Variants in DCLRE1A observed in about 807,000 individuals in gnomAD.
The protein encoded by DCLRE1A is DNA cross-link repair 1A.
Under a neutral mutation model 91.9 loss-of-function variants are expected in DCLRE1A, and 64 were observed. The observed-to-expected ratio is 0.70, with a 90% CI of 0.57 to 0.86. The LOEUF is 0.86. DCLRE1A is among the 40% of genes least tolerant of loss of function. The pLI, the probability that DCLRE1A is intolerant of heterozygous loss-of-function variation, is 0.00. For synonymous variants in DCLRE1A, 416 were observed against 431.1 expected (o/e 0.96, Z 0.43); for missense variants, 1,145 against 1,213.3 (o/e 0.94, Z 0.84).
chr10:113,843,233 T>C (rs1354261177), intron 5 of DCLRE1A, among the ~76,000 whole-genome samples: 1 of 152,130 alleles, frequency 6.6e-6, no homozygotes, highest in Non-Finnish European at 1.5e-5. Context: ...TTTTTCCCAA[T>C]TTTCAGAATT....
intron 8 of DCLRE1A, among the ~76,000 whole-genome samples, chr10:113,835,563 T>A (rs781779526): frequency 2.0e-5 from 3 of 152,146 alleles, no homozygotes; most frequent in African/African-American, 4.8e-5. Context: ...CAAATTGTAA[T>A]CCCTATGTGC....
rs1845342285 is a variant in DCLRE1A, at chr10:113,835,077, C to G, written c.*75G>C. On this transcript the variant is annotated 3_prime_UTR_variant, in exon 9 of 9. Coordinates refer to ENST00000361384, the MANE Select transcript of DCLRE1A (RefSeq NM_014881.5). ...AGGTTTTTCCACACAAAGTGTATTT[C>G]ACATTTCTATAGATTTAACTACTAA... is the stretch of plus-strand genomic sequence containing the variant. 1 of 1,400,068 alleles carries G rather than the reference C, an allele frequency of 7.1e-7. No homozygotes were observed. Among genetic ancestry groups the G allele is most frequent in the South Asian group, 1.4e-5 (1 of 73,772 alleles). The allele number at this position is 1,400,068 out of a possible 1,614,324, so 86.7% of individuals were successfully genotyped here.
intron 7 of DCLRE1A, among the ~76,000 whole-genome samples, chr10:113,840,040 T>C (rs1376219663): frequency 2.0e-5 from 3 of 152,202 alleles, no homozygotes; most frequent in Admixed American, 6.5e-5. Flanking sequence ...ACACCTGTAA[T>C]ATCAGCACTT....
chr10:113,850,748 C>T (rs1845637032), intron 1 of DCLRE1A, 104 bp from the exon 2 acceptor site: 10 of 879,450 alleles, frequency 1.1e-5, no homozygotes, highest in Non-Finnish European at 1.6e-5. Flanking sequence ...ATCCACATTG[C>T]ATATAATAAA....
intron 3 of DCLRE1A, among the ~76,000 whole-genome samples, chr10:113,846,772 GT>G (rs1244626197): frequency 6.6e-6 from 1 of 152,066 alleles, no homozygotes; most frequent in African/African-American, 2.4e-5. Flanking sequence ...TAAATTCTAT[GT>G]AAATAGTTGT....
In DCLRE1A at chr10:113,849,917, C is replaced by T. The variant is rs1845613546; in HGVS notation, c.1188G>A (p.Leu396=). The part of the protein sequence containing the change: ...QPISQNNEST[L]PYDLACTGGD... ...CACCAGTACATGCCAGATCATAAGG[C>T]AAAGTACTCTCATTATTTTGAGAAA... The change falls in exon 2 of 9, where the codon TTG becomes TTA. Residue 396 remains leucine, a synonymous_variant. Transcript: ENST00000361384. 2 of 1,613,938 alleles carry T rather than the reference C, an allele frequency of 1.2e-6. No homozygotes were observed. Among genetic ancestry groups the T allele is most frequent in the South Asian group, 2.2e-5 (2 of 91,076 alleles).
intron 7 of DCLRE1A, 81 bp downstream of exon 7, chr10:113,841,325 T>C (rs1845441664): frequency 2.0e-6 from 3 of 1,493,948 alleles, no homozygotes; most frequent in Non-Finnish European, 2.7e-6. Context: ...TATAATTGAA[T>C]TCCTCTAAGT....
At chr10:113,845,881 C>A (rs1273351816) in intron 3 of DCLRE1A, 78 bp from the exon 4 acceptor site, 2 of 1,164,748 alleles carry the variant, frequency 1.7e-6, no homozygotes, top group East Asian at 2.4e-5. Context: ...AGAACCATAG[C>A]ATCTTAATAA....
At chr10:113,847,072 T>C in intron 3 of DCLRE1A, 130 bp downstream of exon 3, 1 of 906,756 alleles carries the variant, frequency 1.1e-6, no homozygotes, top group Non-Finnish European at 1.6e-6. Flanking sequence ...GACTTTTATG[T>C]GGAATATGTT....
Position 113,848,826 on chromosome 10 carries a change from A to G in DCLRE1A, c.2125+154T>C, listed in dbSNP as rs557255163. On this transcript the variant is annotated intron_variant, in intron 2 of 8. Coordinates refer to ENST00000361384, the MANE Select transcript of DCLRE1A (RefSeq NM_014881.5). ...AAAAAAAATCAAATAGGCAAAAACCATATCTACGTTAGAGGCTCATGAAGT... is the reference window on the plus strand; with the variant it reads ...AAAAAAAATCAAATAGGCAAAAACCGTATCTACGTTAGAGGCTCATGAAGT... 1.5e-3 allele frequency among the ~76,000 whole-genome samples: 227 copies of G among 152,320 alleles called. 1 individual carries two copies. Among genetic ancestry groups the G allele is most frequent in the Non-Finnish European group, 2.6e-3 (180 of 68,030 alleles).
chr10:113,842,955 G>A (rs2134655263), intron 5 of DCLRE1A, among the ~76,000 whole-genome samples: 1 of 150,630 alleles, frequency 6.6e-6, no homozygotes, highest in East Asian at 2.0e-4. Flanking sequence ...ATATTGACAT[G>A]GTTGATATTA....
Position 113,845,681 on chromosome 10 carries a change from T to C in DCLRE1A, c.2378+4A>G. ...TGTGCTATTAAGATGACTTTAATAC[T>C]TACTGATTGGCATCAAGCAAAACAA... On this transcript the variant is annotated splice_donor_region_variant and intron_variant, in intron 4 of 8. Transcript: ENST00000361384. The C allele has an allele frequency of 1.2e-6, 2 of 1,610,614 alleles. No individual in the cohort carries two copies. Among genetic ancestry groups the C allele is most frequent in the Non-Finnish European group, 8.5e-7 (1 of 1,176,814 alleles).
Position 113,849,574 on chromosome 10 carries a change from C to G in DCLRE1A, c.1531G>C (p.Glu511Gln), listed in dbSNP as rs1352620679. The change falls in exon 2 of 9, where the codon GAG becomes CAG. Residue 511 changes from glutamate (E) to glutamine (Q), a missense_variant. Coordinates refer to ENST00000361384, the MANE Select transcript of DCLRE1A (RefSeq NM_014881.5). ...NSACFCRKAL[E>Q]GVPVGKATIL... ...GTAGCTTTACCAACTGGCACACCCT[C>G]TAATGCCTTTCTGCAGAAACATGCT... 1 of 1,613,928 alleles carries G rather than the reference C, an allele frequency of 6.2e-7. No individual in the cohort carries two copies. Among genetic ancestry groups the G allele is most frequent in the East Asian group, 2.2e-5 (1 of 44,874 alleles).
intron 5 of DCLRE1A, among the ~76,000 whole-genome samples, chr10:113,842,749 T>A (rs2134654893): frequency 6.6e-6 from 1 of 152,282 alleles, no homozygotes. Flanking sequence ...TTGAAGACTT[T>A]TTTCCTCCAA....
Position 113,844,313 on chromosome 10 carries a change from T to A in DCLRE1A, c.2379-69A>T. The A allele has an allele frequency of 1.9e-6, 3 of 1,580,368 alleles. No homozygotes were observed. In the South Asian group the frequency reaches 3.5e-5, roughly 18 times the overall value. On this transcript the variant is annotated intron_variant, in intron 4 of 8. Transcript: ENST00000361384. ...CCTAAAGGAACAGTATCTATTTCAATATCAACAAGTTAGCACGCTTTATTA... is the reference window on the plus strand; with the variant it reads ...CCTAAAGGAACAGTATCTATTTCAAAATCAACAAGTTAGCACGCTTTATTA...
intron 3 of DCLRE1A, among the ~76,000 whole-genome samples, chr10:113,846,533 C>T (rs1845540304): frequency 6.6e-6 from 1 of 152,110 alleles, no homozygotes; most frequent in South Asian, 2.1e-4. Flanking sequence ...TGATACCAAT[C>T]CCAATATGGC....
At chr10:113,837,664 A>C (rs1845384231) in intron 7 of DCLRE1A, among the ~76,000 whole-genome samples, 1 of 152,182 alleles carries the variant, frequency 6.6e-6, no homozygotes, top group African/African-American at 2.4e-5. Context: ...ACAGAGATAC[A>C]TTTTACAGCT....
Position 113,835,158 on chromosome 10 carries a change from T to C in DCLRE1A, c.3117A>G (p.Gly1039=). ...KYFREWKLEA[G]Y ...TGAATCCTCGGAGGTATCATCAATA[T>C]CCAGCTTCCAATTTCCACTCTCTAA... is the stretch of plus-strand genomic sequence containing the variant. The change falls in exon 9 of 9, where the codon GGA becomes GGG. Residue 1039 remains glycine (G), a synonymous_variant. Transcript: ENST00000361384. The C allele has an allele frequency of 6.2e-7, 1 of 1,613,508 alleles. No individual in the cohort carries two copies. The highest frequency in any genetic ancestry group is 1.1e-5 in the South Asian group (1 of 90,826).
At chr10:113,841,036 A>G (rs532110911) in intron 7 of DCLRE1A, among the ~76,000 whole-genome samples, 103 of 152,362 alleles carry the variant, frequency 6.8e-4, no homozygotes, top group African/African-American at 2.3e-3. Context: ...ACAGAATAGA[A>G]TAGACCTGAA....
Sources: allele counts gnomAD v4.1 joint callset (sites outside exome capture counted in the v4.1 genomes callset), GRCh38; gene constraint gnomAD v4.1.1; transcripts MANE v1.5; gene names NCBI Gene and HGNC (gene_info 2026-07-23, HGNC 2026-07-21).